The following KAZN variants were observed in gnomAD, a reference collection of about 807,000 sequenced individuals.
KAZN encodes the protein kazrin.
KAZN carries 40 observed loss-of-function variants against 87.4 expected under a neutral mutation model. That is an observed-to-expected ratio of 0.46 (90% CI 0.36 to 0.60). The LOEUF is 0.60. Among genes scored for constraint, KAZN ranks in the 20% least tolerant of loss-of-function variants. The probability of loss-of-function intolerance (pLI) is 0.00; values close to 1 mark genes in which losing one functional copy is unlikely to be tolerated. For synonymous variants in KAZN, 466 were observed against 458.3 expected (o/e 1.02, Z -0.22); for missense variants, 898 against 1,073.9 (o/e 0.84, Z 2.29).
At chr1:15,058,362 C>T (rs35228087) in intron 5 of KAZN, among the ~76,000 whole-genome samples, 718 of 152,366 alleles carry the variant, frequency 4.7e-3, no homozygotes, top group Non-Finnish European at 7.4e-3. Flanking sequence ...CTCCTTCAGC[C>T]ACCCATCTTC....
intron 5 of KAZN, among the ~76,000 whole-genome samples, chr1:15,058,060 CT>C (rs1428552505): frequency 6.6e-6 from 1 of 152,220 alleles, no homozygotes; most frequent in Non-Finnish European, 1.5e-5. Flanking sequence ...GCTCTCTCCC[CT>C]GTGTCCTCTA....
intron 1 of KAZN, among the ~76,000 whole-genome samples, chr1:14,060,392 G>A (rs1419172720): frequency 1.3e-5 from 2 of 150,582 alleles, no homozygotes; most frequent in African/African-American, 4.9e-5. Context: ...AAGAATGAGG[G>A]TTTCATGTTC....
chr1:14,227,784 G>A (rs1461844524), intron 2 of KAZN, among the ~76,000 whole-genome samples: 2 of 152,156 alleles, frequency 1.3e-5, no homozygotes, highest in Non-Finnish European at 2.9e-5. Context: ...GTCTTTCTAT[G>A]AATTACACAG....
At chr1:15,014,179 A>AC (rs1166603954) in intron 2 of KAZN, among the ~76,000 whole-genome samples, 1 of 151,944 alleles carries the variant, frequency 6.6e-6, no homozygotes, top group African/African-American at 2.4e-5. Context: ...CTACCCAGGT[A>AC]CCCCCAGAGC....
At chr1:14,575,060 T>A (rs1358742447) in intron 2 of KAZN, among the ~76,000 whole-genome samples, 1 of 152,176 alleles carries the variant, frequency 6.6e-6, no homozygotes, top group Non-Finnish European at 1.5e-5. Context: ...AGATGGACCC[T>A]TTATTTCACA....
chr1:14,000,470 G>C (rs935246373), intron 1 of KAZN, among the ~76,000 whole-genome samples: 5 of 152,128 alleles, frequency 3.3e-5, no homozygotes, highest in African/African-American at 1.2e-4. Flanking sequence ...AATAGAGGCA[G>C]GCAGAAAAGG....
intron 1 of KAZN, among the ~76,000 whole-genome samples, chr1:14,772,377 A>C (rs1212286127): frequency 1.3e-5 from 2 of 152,076 alleles, no homozygotes; most frequent in African/African-American, 4.8e-5. Flanking sequence ...CCAGCTCCTC[A>C]GGAGGCTGAG....
chr1:14,875,051 G>T (rs1215247336), intron 1 of KAZN, among the ~76,000 whole-genome samples: 1 of 151,964 alleles, frequency 6.6e-6, no homozygotes, highest in Non-Finnish European at 1.5e-5. Flanking sequence ...TAAATTTGTG[G>T]CCAGGTGCGG....
rs568136099 is a variant in KAZN, at chr1:14,440,213, T to C, written c.250-158770T>C. Among the ~76,000 whole-genome samples, 10 of 152,300 alleles carry C rather than the reference T, an allele frequency of 6.6e-5. No individual in the cohort carries two copies. In the South Asian group the frequency reaches 2.1e-3, roughly 32 times the overall value. ...TGTAAAAAATGTGCACTAATGACCA[T>C]GACTTTGACAAATGCTAACCTTGGC... is the stretch of plus-strand genomic sequence containing the variant. On this transcript the variant is annotated intron_variant, in intron 2 of 16. Coordinates refer to the KAZN transcript ENST00000636203.
At chr1:14,225,750 C>A (rs1647249890) in intron 2 of KAZN, among the ~76,000 whole-genome samples, 1 of 152,092 alleles carries the variant, frequency 6.6e-6, no homozygotes, top group Admixed American at 6.5e-5. Context: ...TAATAACGAG[C>A]AATGGGGAAA....
chr1:14,977,839 T>C (rs1428167698), intron 2 of KAZN, among the ~76,000 whole-genome samples: 1 of 151,576 alleles, frequency 6.6e-6, no homozygotes, highest in African/African-American at 2.4e-5. Flanking sequence ...GGCTGACTGT[T>C]GGCCGTTGTC....
chr1:15,114,384 A>G (rs1429727202), intron 14 of KAZN, 87 bp from the exon 15 acceptor site: 3 of 1,081,012 alleles, frequency 2.8e-6, no homozygotes, highest in East Asian at 5.2e-5. Flanking sequence ...TCACAGAGCA[A>G]TTAGAATTGG....
In KAZN at chr1:14,808,290, CTTT is replaced by C. The variant is rs57548450; in HGVS notation, c.227-152373_227-152371del. On this transcript the variant is annotated intron_variant, in intron 1 of 14. Coordinates refer to ENST00000376030, the MANE Select transcript of KAZN (RefSeq NM_201628.3). ...ACATTGTTCCAGATTAAAGAGGTTTCTTTTTTTTTTTTTTTTTTTTTTTGAGAT... is the reference window on the plus strand; with the variant it reads ...ACATTGTTCCAGATTAAAGAGGTTTCTTTTTTTTTTTTTTTTTTTTGAGAT... Among the ~76,000 whole-genome samples the C allele has an allele frequency of 6.2e-3, 542 of 88,076 alleles. 3 individuals carry two copies. Among genetic ancestry groups the C allele is most frequent in the African/African-American group, 0.015 (343 of 23,172 alleles). The allele number at this position is 88,076 out of a possible 152,430, so 57.8% of individuals were successfully genotyped here. A position where few individuals can be genotyped will look rare whatever the true frequency, so the allele number is the denominator to read the frequency against.
intron 2 of KAZN, among the ~76,000 whole-genome samples, chr1:14,583,837 C>G (rs887969260): frequency 3.9e-5 from 6 of 152,122 alleles, no homozygotes; most frequent in Non-Finnish European, 8.8e-5. Context: ...TTTGTATTCC[C>G]CCCTCCCCTA....
At chr1:14,329,215 C>T (rs1010792885) in intron 2 of KAZN, among the ~76,000 whole-genome samples, 1 of 152,106 alleles carries the variant, frequency 6.6e-6, no homozygotes, top group Non-Finnish European at 1.5e-5. Flanking sequence ...ACTAACAACA[C>T]TGAGCTTGTA....
intron 1 of KAZN, among the ~76,000 whole-genome samples, chr1:14,845,928 G>T (rs1172142819): frequency 2.6e-5 from 4 of 152,088 alleles, no homozygotes; most frequent in East Asian, 3.9e-4. Flanking sequence ...CCTAAAGAAG[G>T]TTTGACAAAG....
At chr1:14,010,805 G>A (rs1640261481) in intron 1 of KAZN, among the ~76,000 whole-genome samples, 1 of 152,170 alleles carries the variant, frequency 6.6e-6, no homozygotes, top group African/African-American at 2.4e-5. Flanking sequence ...AGCTTCATGG[G>A]GGAAAACCCT....
At chr1:14,990,681 C>A (rs1220009338) in intron 2 of KAZN, among the ~76,000 whole-genome samples, 50 of 151,788 alleles carry the variant, frequency 3.3e-4, no homozygotes, top group Admixed American at 3.3e-3. Context: ...CCCAGTAAAC[C>A]CTTGCCACCC....
chr1:14,382,639 G>C (rs1190742435), intron 2 of KAZN, among the ~76,000 whole-genome samples: 8 of 147,514 alleles, frequency 5.4e-5, no homozygotes. Flanking sequence ...CCCTACAAAG[G>C]ACATGAACTG....
Sources: allele counts gnomAD v4.1 joint callset (sites outside exome capture counted in the v4.1 genomes callset), GRCh38; gene constraint gnomAD v4.1.1; transcripts MANE v1.5; gene names NCBI Gene and HGNC (gene_info 2026-07-23, HGNC 2026-07-21).